CYFIP2: variants seen among roughly 807,000 people sequenced by gnomAD.
The protein encoded by CYFIP2 is cytoplasmic FMR1 interacting protein 2.
In CYFIP2, 29 loss-of-function variants were observed where a neutral mutation model predicts 158.7. That is an observed-to-expected ratio of 0.18 (90% CI 0.14 to 0.25). CYFIP2 has a LOEUF of 0.25. CYFIP2 is among the 10% of genes least tolerant of loss of function. The pLI is 1.00. For missense variants in CYFIP2, 852 were observed against 1,639.5 expected (o/e 0.52, Z 8.29); for synonymous variants, 585 against 617.6 (o/e 0.95, Z 0.78).
rs1257708767 is a variant in CYFIP2 at position 157,361,099 on chromosome 5, A to C, written c.2909-369A>C. The stretch of plus-strand genomic sequence containing the variant: ...GATATTGTATTAAATGAGATATTAC[A>C]GATAAAGTGCTCAGCACAATATCTG... On this transcript the variant is annotated intron_variant, in intron 25 of 30. Coordinates refer to ENST00000620254, the MANE Select transcript of CYFIP2 (RefSeq NM_001037333.3). The surrounding 1 kb of genome is among the most constrained non-coding windows in gnomAD (Gnocchi z 4.4). 6.6e-6 allele frequency among the ~76,000 whole-genome samples: 1 copy of C among 152,234 alleles called. No individual in the cohort carries two copies. The highest frequency in any genetic ancestry group is 6.5e-5 in the Admixed American group (1 of 15,292).
chr5:157,366,801 C>T (rs1467198609), intron 26 of CYFIP2, among the ~76,000 whole-genome samples: 4 of 152,096 alleles, frequency 2.6e-5, no homozygotes, highest in Admixed American at 6.5e-5. Flanking sequence ...ATTTCCTTCC[C>T]TGGGAAATCA....
chr5:157,297,126 C>T (rs73302175), intron 5 of CYFIP2, among the ~76,000 whole-genome samples: 2,982 of 152,286 alleles, frequency 0.02, 104 homozygotes, highest in African/African-American at 0.069. Flanking sequence ...TCTCAGGAGG[C>T]GGCATTTGAG....
chr5:157,305,750 A>G (rs1759163145), intron 8 of CYFIP2, among the ~76,000 whole-genome samples: 1 of 152,218 alleles, frequency 6.6e-6, no homozygotes, highest in Admixed American at 6.5e-5. Flanking sequence ...CCTGGGCTCA[A>G]GCAATCTGCC....
intron 23 of CYFIP2, among the ~76,000 whole-genome samples, chr5:157,346,809 G>A (rs1029803100): frequency 1.3e-5 from 2 of 152,218 alleles, no homozygotes; most frequent in Non-Finnish European, 2.9e-5. Flanking sequence ...TCAATCAGTT[G>A]GAGTTGACGC....
At chr5:157,341,670 A>T (rs1762268741) in intron 23 of CYFIP2, 1 of 158,134 alleles carries the variant, frequency 6.3e-6, no homozygotes, top group African/African-American at 2.4e-5. Context: ...CGAGCAGGGA[A>T]TGCATGAGGT....
chr5:157,336,642 T>G (rs10036098), intron 21 of CYFIP2, among the ~76,000 whole-genome samples: 1 of 152,142 alleles, frequency 6.6e-6, no homozygotes, highest in Admixed American at 6.5e-5. Flanking sequence ...CTTTCGTTGA[T>G]GAGCTCTTTC....
At chr5:157,279,761 C>A (rs1478674049) in intron 1 of CYFIP2, among the ~76,000 whole-genome samples, 2 of 152,154 alleles carry the variant, frequency 1.3e-5, no homozygotes, top group East Asian at 3.8e-4. Context: ...TTATTAATTT[C>A]TTTTTCAAAA....
intron 26 of CYFIP2, among the ~76,000 whole-genome samples, chr5:157,381,225 C>T (rs1766031635): frequency 6.6e-6 from 1 of 152,154 alleles, no homozygotes; most frequent in African/African-American, 2.4e-5. Context: ...GACATAACCA[C>T]TACTCTGGAT....
At position 157,320,664 on chromosome 5, in the gene CYFIP2, G is replaced by A; in HGVS notation, c.1533G>A (p.Gln511=). 1 of 1,613,992 alleles carries A rather than the reference G, an allele frequency of 6.2e-7. No homozygotes were observed. The highest frequency in any genetic ancestry group is 8.5e-7 in the Non-Finnish European group (1 of 1,179,876). Residue 511 remains glutamine, a synonymous_variant, in exon 15 of 31, where the codon CAG becomes CAA. Transcript: ENST00000620254. Reference sequence around the variant, plus strand: ...GTTCTTCCTTCCCCAGCGTCCTACAGGCAATTCGAAAGACCATCTGTGACT... The same window carrying A: ...GTTCTTCCTTCCCCAGCGTCCTACAAGCAATTCGAAAGACCATCTGTGACT... ...KKKNVLISVL[Q]AIRKTICDWE...
At chr5:157,374,081 A>G (rs903202578) in intron 26 of CYFIP2, among the ~76,000 whole-genome samples, 6 of 152,240 alleles carry the variant, frequency 3.9e-5, no homozygotes, top group Non-Finnish European at 7.3e-5. Context: ...GATGATGGTC[A>G]TTGGAAATCA....
At chr5:157,305,027 G>A (rs1312539387) in intron 8 of CYFIP2, among the ~76,000 whole-genome samples, 1 of 151,962 alleles carries the variant, frequency 6.6e-6, no homozygotes, top group Non-Finnish European at 1.5e-5. Flanking sequence ...CATTCCTGCT[G>A]TTACTTAGAA....
chr5:157,338,482 A>T (rs1371206110), intron 21 of CYFIP2, among the ~76,000 whole-genome samples: 1 of 152,250 alleles, frequency 6.6e-6, no homozygotes, highest in African/African-American at 2.4e-5. Flanking sequence ...CAAGTTACTT[A>T]ACTTCTCAAA....
intron 15 of CYFIP2, among the ~76,000 whole-genome samples, chr5:157,321,326 T>C (rs1760576256): frequency 1.3e-5 from 2 of 152,216 alleles, no homozygotes; most frequent in Admixed American, 1.3e-4. Context: ...TGGATGAGAT[T>C]GTGTTACTAA....
chr5:157,309,514 TG>T (rs1759526304), intron 9 of CYFIP2, among the ~76,000 whole-genome samples: 1 of 152,186 alleles, frequency 6.6e-6, no homozygotes, highest in Non-Finnish European at 1.5e-5. Context: ...TTTGCCTCTC[TG>T]GGCTCCGTTG....
At chr5:157,385,909 G>A (rs1177752948) in intron 28 of CYFIP2, among the ~76,000 whole-genome samples, 2 of 151,976 alleles carry the variant, frequency 1.3e-5, no homozygotes, top group Non-Finnish European at 1.5e-5. Context: ...ACTCCCCACC[G>A]AGGGGAATAG....
intron 6 of CYFIP2, among the ~76,000 whole-genome samples, chr5:157,302,279 C>G (rs908309373): frequency 1.3e-5 from 2 of 152,166 alleles, no homozygotes. Flanking sequence ...TCCCTGTGCC[C>G]GTCATCCCAT....
At chr5:157,301,180 C>G (rs143610384) in intron 6 of CYFIP2, among the ~76,000 whole-genome samples, 67 of 152,244 alleles carry the variant, frequency 4.4e-4, no homozygotes, top group African/African-American at 1.3e-3. Flanking sequence ...TTATGTTGCC[C>G]CATGTAATAT....
rs538829395 is a variant in CYFIP2 at position 157,322,831 on chromosome 5, C to A, written c.1672-1090C>A. On this transcript the variant is annotated intron_variant, in intron 15 of 30. Coordinates refer to ENST00000620254, the MANE Select transcript of CYFIP2 (RefSeq NM_001037333.3). ...CCGGCAGTCGCGGCGGCTTTCCCACCGTATACAATACCTCTTGCTTTTCTC... is the reference window on the plus strand; with the variant it reads ...CCGGCAGTCGCGGCGGCTTTCCCACAGTATACAATACCTCTTGCTTTTCTC... The A allele has an allele frequency of 1.1e-5, 13 of 1,172,940 alleles. No homozygotes were observed. In the African/African-American group the frequency reaches 2.0e-4, roughly 18 times the overall value. The allele number at this position is 1,172,940 out of a possible 1,614,324, so 72.7% of individuals were successfully genotyped here.
In CYFIP2 at chr5:157,320,900, C is replaced by T. The variant is rs563047357; in HGVS notation, c.1671+98C>T. On this transcript the variant is annotated intron_variant, in intron 15 of 30. Coordinates refer to ENST00000620254, the MANE Select transcript of CYFIP2 (RefSeq NM_001037333.3). ...GGCCATGGGCAGTGGGACTGGGAGC[C>T]GTCGGTCAGGAGGGGCAGGGTTGAG... The T allele has an allele frequency of 1.1e-4, 154 of 1,404,728 alleles. No individual in the cohort carries two copies. In the African/African-American group the frequency reaches 1.5e-3, roughly 14 times the overall value. 87.0% of individuals were successfully genotyped at this position (1,404,728 alleles called of 1,614,324 possible).
Sources: allele counts gnomAD v4.1 joint callset (sites outside exome capture counted in the v4.1 genomes callset), GRCh38; gene constraint gnomAD v4.1.1; non-coding constraint Gnocchi (gnomAD v3.1); transcripts MANE v1.5; gene names NCBI Gene and HGNC (gene_info 2026-07-23, HGNC 2026-07-21).